Variants in SORCS3 observed in about 807,000 individuals in gnomAD.
SORCS3 encodes sortilin related VPS10 domain containing receptor 3.
SORCS3 carries 57 observed loss-of-function variants against 146.3 expected under a neutral mutation model. The observed-to-expected ratio is 0.39, with a 90% CI of 0.31 to 0.49. SORCS3 has a LOEUF of 0.49. Among genes scored for constraint, SORCS3 ranks in the 20% least tolerant of loss-of-function variants. The pLI, the probability that SORCS3 is intolerant of heterozygous loss-of-function variation, is 0.92. For missense variants in SORCS3, 1,341 were observed against 1,575.5 expected (o/e 0.85, Z 2.52); for synonymous variants, 653 against 618.5 (o/e 1.06, Z -0.83).
chr10:104,678,874 G>A (rs1258809122), intron 1 of SORCS3, among the ~76,000 whole-genome samples: 1 of 152,152 alleles, frequency 6.6e-6, no homozygotes, highest in African/African-American at 2.4e-5. Flanking sequence ...AGCCAAACAA[G>A]AGAATCATTC....
At chr10:104,836,813 T>TC (rs2018074126) in intron 1 of SORCS3, among the ~76,000 whole-genome samples, 1 of 152,036 alleles carries the variant, frequency 6.6e-6, no homozygotes, top group Non-Finnish European at 1.5e-5. Context: ...CTGCTCCATC[T>TC]CCATGCTGCT....
At chr10:104,748,682 G>A (rs181180573) in intron 1 of SORCS3, among the ~76,000 whole-genome samples, 83 of 152,142 alleles carry the variant, frequency 5.5e-4, no homozygotes, top group Admixed American at 2.6e-3. Flanking sequence ...GTGAAACCCC[G>A]TCTCTACTAA....
intron 4 of SORCS3, among the ~76,000 whole-genome samples, chr10:104,991,249 A>G (rs532872786): frequency 6.6e-6 from 1 of 152,304 alleles, no homozygotes; most frequent in Non-Finnish European, 1.5e-5. Context: ...GCAAAGTACC[A>G]CAGACTGAGT....
chr10:104,787,135 C>T (rs1301669072), intron 1 of SORCS3, among the ~76,000 whole-genome samples: 2 of 152,136 alleles, frequency 1.3e-5, no homozygotes, highest in Non-Finnish European at 2.9e-5. Context: ...ACACAGAGTC[C>T]TCACCTTGGG....
At chr10:105,065,392 T>G (rs933716735) in intron 5 of SORCS3, among the ~76,000 whole-genome samples, 3 of 142,170 alleles carry the variant, frequency 2.1e-5, no homozygotes, top group African/African-American at 8.8e-5. Context: ...TCTTTAATAT[T>G]TTATTGCATT....
At chr10:104,662,691 A>G (rs1419998415) in intron 1 of SORCS3, among the ~76,000 whole-genome samples, 3 of 152,212 alleles carry the variant, frequency 2.0e-5, no homozygotes, top group African/African-American at 7.2e-5. Context: ...CCTTCATTGA[A>G]TATTTGTACT....
chr10:105,240,356 G>A (rs909507219), intron 20 of SORCS3, among the ~76,000 whole-genome samples: 1 of 152,142 alleles, frequency 6.6e-6, no homozygotes, highest in African/African-American at 2.4e-5. Flanking sequence ...AACTATTAAG[G>A]GAGAAAAATG....
At chr10:104,726,992 G>A (rs1420795025) in intron 1 of SORCS3, among the ~76,000 whole-genome samples, 1 of 152,176 alleles carries the variant, frequency 6.6e-6, no homozygotes, top group African/African-American at 2.4e-5. Context: ...GGCCTCTGTG[G>A]TTTAGCTCTG....
intron 14 of SORCS3, among the ~76,000 whole-genome samples, chr10:105,193,448 G>T (rs2056527942): frequency 6.6e-6 from 1 of 152,132 alleles, no homozygotes; most frequent in Non-Finnish European, 1.5e-5. Context: ...AAGTACCAGT[G>T]CAGACAAAGA....
At chr10:104,979,181 T>G (rs1299702317) in intron 4 of SORCS3, among the ~76,000 whole-genome samples, 1 of 152,208 alleles carries the variant, frequency 6.6e-6, no homozygotes, top group Non-Finnish European at 1.5e-5. Context: ...TGGGGTCATC[T>G]GCATTCCTCA....
At chr10:105,033,532 A>C (rs2055284557) in intron 4 of SORCS3, among the ~76,000 whole-genome samples, 2 of 152,220 alleles carry the variant, frequency 1.3e-5, no homozygotes, top group South Asian at 4.1e-4. Flanking sequence ...TTAAGATTTC[A>C]GATGGGATTC....
chr10:105,136,723 G>T (rs1050759624), intron 7 of SORCS3, among the ~76,000 whole-genome samples: 2 of 152,128 alleles, frequency 1.3e-5, no homozygotes, highest in African/African-American at 4.8e-5. Flanking sequence ...TGGCAAGTAC[G>T]GAGAAGGACA....
chr10:104,867,139 G>C (rs558648939), intron 2 of SORCS3, among the ~76,000 whole-genome samples: 8 of 152,194 alleles, frequency 5.3e-5, no homozygotes, highest in Admixed American at 5.2e-4. Flanking sequence ...CAATAAGCCA[G>C]GTAATAACTA....
chr10:104,759,533 C>T (rs1047770456), intron 1 of SORCS3, among the ~76,000 whole-genome samples: 4 of 152,112 alleles, frequency 2.6e-5, no homozygotes, highest in South Asian at 2.1e-4. Context: ...GCTGAGATTG[C>T]GTGAAGGTTA....
At chr10:104,995,413 C>T (rs892158617) in intron 4 of SORCS3, among the ~76,000 whole-genome samples, 1 of 152,262 alleles carries the variant, frequency 6.6e-6, no homozygotes, top group African/African-American at 2.4e-5. Context: ...ACGCCTCTGC[C>T]TCCCAAAGTA....
At chr10:104,897,243 G>A (rs1335579377) in intron 2 of SORCS3, among the ~76,000 whole-genome samples, 1 of 152,164 alleles carries the variant, frequency 6.6e-6, no homozygotes, top group African/African-American at 2.4e-5. Flanking sequence ...CCGTCCTAGG[G>A]CCCTGTCCTC....
rs1189506579 is a variant in SORCS3, at chr10:105,157,303, T to C, written c.1629+19T>C. 5 of 1,612,990 alleles carry C rather than the reference T, an allele frequency of 3.1e-6. No homozygotes were observed. The highest frequency in any genetic ancestry group is 3.4e-6 in the Non-Finnish European group (4 of 1,179,256). On this transcript the variant is annotated intron_variant, in intron 10 of 26. Transcript: ENST00000369701. ...CCTGCTGGTCAGTCACTCAGCCTCA[T>C]GGGAAGTTCACAGGGCAGGCTGGCC... is the stretch of plus-strand genomic sequence containing the variant.
At chr10:104,989,791 T>C (rs1459288958) in intron 4 of SORCS3, among the ~76,000 whole-genome samples, 1 of 152,192 alleles carries the variant, frequency 6.6e-6, no homozygotes, top group Non-Finnish European at 1.5e-5. Flanking sequence ...CACAATGGGC[T>C]GTAATAGTGG....
At chr10:104,861,323 T>C (rs558435598) in intron 2 of SORCS3, among the ~76,000 whole-genome samples, 1 of 152,304 alleles carries the variant, frequency 6.6e-6, no homozygotes, top group East Asian at 1.9e-4. Flanking sequence ...TTTCTAGCTG[T>C]GCACTTGAGG....
Sources: allele counts gnomAD v4.1 joint callset (sites outside exome capture counted in the v4.1 genomes callset), GRCh38; gene constraint gnomAD v4.1.1; transcripts MANE v1.5; gene names NCBI Gene and HGNC (gene_info 2026-07-23, HGNC 2026-07-21).